The following PRH1 variants were observed in gnomAD, a reference collection of about 807,000 sequenced individuals.
PRH1 encodes the protein proline rich protein HaeIII subfamily 1.
A neutral mutation model predicts 7.9 loss-of-function variants in PRH1; 7 were observed. The observed-to-expected ratio is 0.89, with a 90% CI of 0.50 to 1.67. The LOEUF is 1.67. Among genes scored for constraint, PRH1 ranks in the 40% most tolerant of loss-of-function variants. The pLI, the probability that PRH1 is intolerant of heterozygous loss-of-function variation, is 0.00. For missense variants in PRH1, 109 were observed against 223.6 expected, an observed-to-expected ratio of 0.49 and a Z score of 3.27; for synonymous variants, 45 against 80.8, an observed-to-expected ratio of 0.56 and a Z score of 2.38.
At chr12:11,042,774 C>T (rs996266738) in intron 1 of PRH1, among the ~76,000 whole-genome samples, 19 of 151,754 alleles carry the variant, frequency 1.3e-4, no homozygotes, top group African/African-American at 3.6e-4. Context: ...GGACTACAGG[C>T]GCCCACCACC....
intron 1 of PRH1, chr12:10,986,099 C>T (rs1939607038): frequency 1.2e-6 from 2 of 1,613,848 alleles, no homozygotes; most frequent in Non-Finnish European, 1.7e-6. Context: ...CATTCCGCAG[C>T]CTCCTAGGAC....
At chr12:10,954,426 C>T (rs1937849148) in intron 2 of PRH1, among the ~76,000 whole-genome samples, 1 of 152,074 alleles carries the variant, frequency 6.6e-6, no homozygotes, top group South Asian at 2.1e-4. Context: ...ATCTACCAAG[C>T]AAATGGAAAA....
chr12:11,058,781 C>T (rs1020071041), intron 1 of PRH1, among the ~76,000 whole-genome samples: 1 of 152,190 alleles, frequency 6.6e-6, no homozygotes, highest in African/African-American at 2.4e-5. Context: ...TAGTGCAAGA[C>T]CATTCCCTCT....
At chr12:10,986,587 T>A in intron 1 of PRH1, 1 of 1,614,118 alleles carries the variant, frequency 6.2e-7, no homozygotes, top group South Asian at 1.1e-5. Flanking sequence ...CTGAAATGGT[T>A]GGTTACAACC....
At chr12:11,150,422 A>T (rs920180925) in intron 1 of PRH1, among the ~76,000 whole-genome samples, 1 of 152,154 alleles carries the variant, frequency 6.6e-6, no homozygotes, top group Non-Finnish European at 1.5e-5. Flanking sequence ...AACCAATCCA[A>T]ATGTCCAACA....
intron 1 of PRH1, among the ~76,000 whole-genome samples, chr12:11,100,801 T>G (rs1298598718): frequency 6.6e-6 from 1 of 152,202 alleles, no homozygotes; most frequent in East Asian, 1.9e-4. Context: ...AATTATTTTT[T>G]ATACCTTAAA....
intron 1 of PRH1, among the ~76,000 whole-genome samples, chr12:11,105,675 C>T (rs1565658850): frequency 1.3e-5 from 2 of 152,188 alleles, no homozygotes; most frequent in Non-Finnish European, 2.9e-5. Flanking sequence ...AACCTCTCCA[C>T]AATTTGTGTT....
intron 2 of PRH1, among the ~76,000 whole-genome samples, chr12:10,954,752 C>T (rs1937869285): frequency 6.6e-6 from 1 of 152,190 alleles, no homozygotes; most frequent in South Asian, 2.1e-4. Flanking sequence ...GCTGGTATTA[C>T]AAGTCTGAGC....
chr12:11,110,966 C>T (rs760027963), intron 1 of PRH1, among the ~76,000 whole-genome samples: 14 of 151,950 alleles, frequency 9.2e-5, no homozygotes, highest in Non-Finnish European at 1.6e-4. Flanking sequence ...ATATTTACCA[C>T]ACAAATGGAA....
intron 2 of PRH1, chr12:10,908,987 G>A: frequency 5.0e-6 from 8 of 1,613,698 alleles, no homozygotes; most frequent in African/African-American, 1.3e-5. Flanking sequence ...AATAAAAGAT[G>A]CTGAAGATTG....
chr12:11,067,245 T>C (rs1204456240), intron 1 of PRH1, among the ~76,000 whole-genome samples: 3 of 152,196 alleles, frequency 2.0e-5, no homozygotes, highest in Non-Finnish European at 4.4e-5. Flanking sequence ...ATTAACAAAA[T>C]ATTTTACCCA....
upstream of PRH1, chr12:11,049,363 T>C (rs2597987): frequency 0.99 from 252,926 of 256,640 alleles, 124,727 homozygotes; most frequent in East Asian, 1. Flanking sequence ...TTTAAATGTG[T>C]AGTAACATTT....
upstream of PRH1, among the ~76,000 whole-genome samples, chr12:10,885,939 C>T (rs1379524775): frequency 6.6e-6 from 1 of 152,146 alleles, no homozygotes; most frequent in African/African-American, 2.4e-5. Context: ...AGAAGGCTTC[C>T]TAGTAGATTA....
intron 1 of PRH1, among the ~76,000 whole-genome samples, chr12:10,973,967 A>G (rs1395540359): frequency 1.3e-5 from 2 of 152,224 alleles, no homozygotes; most frequent in Non-Finnish European, 2.9e-5. Flanking sequence ...ATAATTTAAA[A>G]AGAACAAAGT....
At chr12:10,927,858 C>T (rs780141136) in intron 2 of PRH1, among the ~76,000 whole-genome samples, 2 of 152,072 alleles carry the variant, frequency 1.3e-5, no homozygotes, top group African/African-American at 2.4e-5. Flanking sequence ...CTGGTGATAC[C>T]GAGTAGTATA....
intron 2 of PRH1, among the ~76,000 whole-genome samples, chr12:10,947,335 T>C (rs1043957603): frequency 6.6e-6 from 1 of 152,230 alleles, no homozygotes; most frequent in Non-Finnish European, 1.5e-5. Flanking sequence ...CTATTTGGGA[T>C]TGTTAGGTCT....
At chr12:11,028,103 G>A (rs4073964) in intron 1 of PRH1, among the ~76,000 whole-genome samples, 66,646 of 151,954 alleles carry the variant, frequency 0.44, 15,426 homozygotes, top group Non-Finnish European at 0.51. Flanking sequence ...CCTGATCCAG[G>A]TCATCCTTCT....
At chr12:11,137,130 T>A (rs1946580963) in intron 1 of PRH1, among the ~76,000 whole-genome samples, 1 of 152,188 alleles carries the variant, frequency 6.6e-6, no homozygotes, top group Non-Finnish European at 1.5e-5. Flanking sequence ...GGAAATTCAG[T>A]GAGCAGCACT....
At chr12:11,142,304 C>T (rs1432306395) in intron 1 of PRH1, among the ~76,000 whole-genome samples, 1 of 152,168 alleles carries the variant, frequency 6.6e-6, no homozygotes, top group Non-Finnish European at 1.5e-5. Flanking sequence ...GCAATCCCTA[C>T]CAAATCCCAG....
Sources: allele counts gnomAD v4.1 joint callset (sites outside exome capture counted in the v4.1 genomes callset), GRCh38; gene constraint gnomAD v4.1.1; transcripts MANE v1.5; gene names NCBI Gene and HGNC (gene_info 2026-07-23, HGNC 2026-07-21).